Variants in GATAD2B observed in about 807,000 individuals in gnomAD.
The protein encoded by GATAD2B is transcriptional repressor p66-beta.
Under a neutral mutation model 64.3 loss-of-function variants are expected in GATAD2B, and 8 were observed. That is an observed-to-expected ratio of 0.12 (90% CI 0.07 to 0.22). GATAD2B has a LOEUF of 0.22. GATAD2B is among the 10% of genes least tolerant of loss of function. The pLI is 1.00. For synonymous variants in GATAD2B, 281 were observed against 271.3 expected, an observed-to-expected ratio of 1.04 and a Z score of -0.35; for missense variants, 453 against 752.0, an observed-to-expected ratio of 0.60 and a Z score of 4.65.
At chr1:153,905,244 AGGCGCCCT>A (rs1557831582) in intron 1 of GATAD2B, among the ~76,000 whole-genome samples, 1 of 151,970 alleles carries the variant, frequency 6.6e-6, no homozygotes, top group Non-Finnish European at 1.5e-5. Flanking sequence ...GCGTGGTGGC[AGGCGCCCT>A]GTAGTCTCAG....
chr1:153,873,589 G>A (rs33998934), intron 1 of GATAD2B, among the ~76,000 whole-genome samples: 19,500 of 152,178 alleles, frequency 0.13, 1,729 homozygotes, highest in East Asian at 0.49. Flanking sequence ...CCAGCAAGAA[G>A]GCCCTCAGCA....
At chr1:153,916,661 G>A (rs780422458) in intron 1 of GATAD2B, among the ~76,000 whole-genome samples, 3 of 152,060 alleles carry the variant, frequency 2.0e-5, no homozygotes, top group Admixed American at 6.5e-5. Context: ...CCATTTTAAC[G>A]GGAAGGCAAT....
chr1:153,829,360 T>C (rs977787657), intron 1 of GATAD2B, among the ~76,000 whole-genome samples: 1 of 152,260 alleles, frequency 6.6e-6, no homozygotes, highest in African/African-American at 2.4e-5. Context: ...TTGCTACTTA[T>C]GTTAACCAGG....
chr1:153,847,454 A>T (rs1219133717), intron 1 of GATAD2B, among the ~76,000 whole-genome samples: 2 of 152,100 alleles, frequency 1.3e-5, no homozygotes, highest in Admixed American at 6.6e-5. Flanking sequence ...GTAAAATCAT[A>T]GCTTACTGCA....
At chr1:153,858,619 G>A (rs769750532) in intron 1 of GATAD2B, among the ~76,000 whole-genome samples, 5 of 151,814 alleles carry the variant, frequency 3.3e-5, no homozygotes, top group Admixed American at 6.6e-5. Context: ...ACAAAGCCCC[G>A]GCTACTCAGG....
intron 1 of GATAD2B, among the ~76,000 whole-genome samples, chr1:153,859,535 T>C (rs1676203718): frequency 6.6e-6 from 1 of 151,560 alleles, no homozygotes; most frequent in African/African-American, 2.4e-5. Context: ...CCAGGTGTAG[T>C]GGCACGAGCC....
At chr1:153,850,933 GT>G (rs552346925) in intron 1 of GATAD2B, among the ~76,000 whole-genome samples, 2 of 150,454 alleles carry the variant, frequency 1.3e-5, no homozygotes, top group South Asian at 2.1e-4. Context: ...AAAAAAAAAA[GT>G]TTTTTTTTGT....
intron 1 of GATAD2B, among the ~76,000 whole-genome samples, chr1:153,876,152 C>T (rs974128687): frequency 2.2e-5 from 3 of 134,134 alleles, no homozygotes; most frequent in Non-Finnish European, 3.1e-5. Flanking sequence ...CGCTTGAACC[C>T]GGGAGGCGGA....
intron 1 of GATAD2B, among the ~76,000 whole-genome samples, chr1:153,836,462 G>A (rs1279611758): frequency 6.6e-6 from 1 of 151,388 alleles, no homozygotes; most frequent in Non-Finnish European, 1.5e-5. Flanking sequence ...TGTTGGCCAG[G>A]CTAGTCTTGA....
At chr1:153,887,619 T>A (rs1348805974) in intron 1 of GATAD2B, among the ~76,000 whole-genome samples, 1 of 152,130 alleles carries the variant, frequency 6.6e-6, no homozygotes, top group East Asian at 1.9e-4. Flanking sequence ...TTATTTTTTT[T>A]AAAGAGACAA....
chr1:153,849,830 C>T (rs1439662202), intron 1 of GATAD2B, among the ~76,000 whole-genome samples: 2 of 152,138 alleles, frequency 1.3e-5, no homozygotes, highest in Non-Finnish European at 2.9e-5. Flanking sequence ...TTAGGTCTCA[C>T]CATGTTGGCC....
intron 1 of GATAD2B, among the ~76,000 whole-genome samples, chr1:153,904,883 T>C (rs1211484717): frequency 2.0e-5 from 3 of 152,144 alleles, no homozygotes; most frequent in Non-Finnish European, 4.4e-5. Context: ...ATTTTTCTAT[T>C]TTTAGTAGAG....
rs1045533463 is a variant in GATAD2B, at chr1:153,804,857, G to A, written c.*5320C>T. 2.6e-5 allele frequency: 4 copies of A among 152,578 alleles called. No individual in the cohort carries two copies. Among genetic ancestry groups the A allele is most frequent in the African/African-American group, 9.7e-5 (4 of 41,418 alleles). 9.5% of individuals were successfully genotyped at this position (152,578 alleles called of 1,614,324 possible). ...TCTGTCACTGCTGAAATGCTCAGCA[G>A]CATCTGAAACAGATGGGAGTGTATT... On this transcript the variant is annotated 3_prime_UTR_variant, in exon 11 of 11. Transcript: ENST00000368655.
At chr1:153,917,306 C>G (rs1050442072) in intron 1 of GATAD2B, among the ~76,000 whole-genome samples, 17 of 151,774 alleles carry the variant, frequency 1.1e-4, no homozygotes, top group African/African-American at 4.1e-4. Context: ...CCATCTCGGC[C>G]AGGCTGGTCT....
chr1:153,853,539 T>C (rs1254100243), intron 1 of GATAD2B: 1 of 250,900 alleles, frequency 4.0e-6, no homozygotes, highest in Non-Finnish European at 7.7e-6. Flanking sequence ...TTATCAAATA[T>C]ATGGTTCACA....
intron 1 of GATAD2B, among the ~76,000 whole-genome samples, chr1:153,882,847 T>TTA (rs1462476344): frequency 6.6e-6 from 1 of 152,172 alleles, no homozygotes; most frequent in African/African-American, 2.4e-5. Flanking sequence ...TCCAATCATT[T>TTA]TATAAGGACT....
At chr1:153,883,235 A>G (rs1191090821) in intron 1 of GATAD2B, among the ~76,000 whole-genome samples, 1 of 152,200 alleles carries the variant, frequency 6.6e-6, no homozygotes, top group East Asian at 1.9e-4. Context: ...CAAAAATATT[A>G]TTTCTAAATA....
intron 1 of GATAD2B, chr1:153,852,508 G>C: frequency 1.3e-6 from 1 of 764,970 alleles, no homozygotes; most frequent in Non-Finnish European, 2.4e-6. Flanking sequence ...TCTGCACAGT[G>C]GGACTCATCA....
Position 153,805,283 on chromosome 1 carries a change from T to C in GATAD2B, c.*4894A>G, listed in dbSNP as rs1178741818. ...AAATCTGAGGAAAGGAGACAAAATG[T>C]GGGCTGTGTCTGCGCTCTCCTATTT... On this transcript the variant is annotated 3_prime_UTR_variant, in exon 11 of 11. Transcript: ENST00000368655. 6.6e-6 allele frequency: 1 copy of C among 152,144 alleles called. No individual in the cohort carries two copies. Among genetic ancestry groups the C allele is most frequent in the Non-Finnish European group, 1.5e-5 (1 of 68,038 alleles). The allele number at this position is 152,144 out of a possible 1,614,324, so 9.4% of individuals were successfully genotyped here.
Sources: gnomAD v4.1 joint callset for allele counts (sites outside exome capture counted in the v4.1 genomes callset) on GRCh38, gnomAD v4.1.1 for gene constraint, MANE v1.5 for transcripts, NCBI Gene and HGNC (gene_info 2026-07-23, HGNC 2026-07-21) for gene names.